Variants in GRAMD1C observed in about 807,000 individuals in gnomAD.
GRAMD1C encodes GRAM domain containing 1C.
A neutral mutation model predicts 97.8 loss-of-function variants in GRAMD1C; 89 were observed. That is an observed-to-expected ratio of 0.91 (90% confidence interval 0.77 to 1.09). The LOEUF is 1.09. GRAMD1C is among the 50% of genes least tolerant of loss of function. The pLI is 0.00. For synonymous variants in GRAMD1C, 256 were observed against 267.0 expected (o/e 0.96, Z 0.40); for missense variants, 740 against 766.4 (o/e 0.97, Z 0.41).
At chr3:113,872,696 A>G (rs1577147972) in intron 3 of GRAMD1C, among the ~76,000 whole-genome samples, 1 of 151,510 alleles carries the variant, frequency 6.6e-6, no homozygotes, top group East Asian at 2.0e-4. Flanking sequence ...CACCCAGCCA[A>G]GAAGCCATTA....
chr3:113,840,209 G>A (rs1483234701), intron 1 of GRAMD1C, among the ~76,000 whole-genome samples: 2 of 151,986 alleles, frequency 1.3e-5, no homozygotes. Context: ...CTCATGATCC[G>A]CCCGCCTCGG....
At chr3:113,840,984 A>G (rs746820877) in intron 1 of GRAMD1C, among the ~76,000 whole-genome samples, 2 of 152,216 alleles carry the variant, frequency 1.3e-5, no homozygotes, top group Admixed American at 1.3e-4. Flanking sequence ...TGGTAAAGAG[A>G]TGTTATGTCT....
Position 113,844,639 on chromosome 3 carries a change from G to A in GRAMD1C, c.164G>A (p.Trp55Ter). 1 of 1,578,438 alleles carries A rather than the reference G, an allele frequency of 6.3e-7. No homozygotes were observed. Among genetic ancestry groups the A allele is most frequent in the Non-Finnish European group, 8.6e-7 (1 of 1,167,182 alleles). ...GPNLHNWSGD[W>*]SFWISSSTYK... Reference sequence around the variant, plus strand: ...AATTTACATAATTGGAGTGGTGACTGGAGCTTTTGGGTAATTTCTTTTTTT... The same window carrying A: ...AATTTACATAATTGGAGTGGTGACTAGAGCTTTTGGGTAATTTCTTTTTTT... The change falls in exon 2 of 18, where the codon TGG becomes TAG. Residue 55 changes from tryptophan to a stop codon, truncating the protein, a stop_gained. Coordinates refer to ENST00000358160, the MANE Select transcript of GRAMD1C (RefSeq NM_017577.5). LOFTEE classifies it high-confidence loss of function.
rs116705499 is a variant in GRAMD1C at position 113,933,478 on chromosome 3, T to C, written c.1210-33T>C. 3,368 of 1,519,218 alleles carry C rather than the reference T, an allele frequency of 2.2e-3. 75 individuals are homozygous for C. The African/African-American group carries it at 0.041, about 19-fold the overall frequency. 94.1% of individuals were successfully genotyped at this position (1,519,218 alleles called of 1,614,324 possible). A position where few individuals can be genotyped will look rare whatever the true frequency, so the allele number is the denominator to read the frequency against. ...CAAGAAGATTCATATATTAAGCATA[T>C]ACATACAAACATTTTTTATCTTACT... is the stretch of plus-strand genomic sequence containing the variant. On this transcript the variant is annotated intron_variant, in intron 11 of 17. Transcript: ENST00000358160.
At chr3:113,928,704 A>G (rs1937312091) in intron 10 of GRAMD1C, among the ~76,000 whole-genome samples, 1 of 152,200 alleles carries the variant, frequency 6.6e-6, no homozygotes, top group African/African-American at 2.4e-5. Context: ...GGTGCCTTGC[A>G]TAAGTGGAAT....
chr3:113,893,393 T>A (rs1023360860), intron 6 of GRAMD1C, among the ~76,000 whole-genome samples: 5 of 151,994 alleles, frequency 3.3e-5, no homozygotes, highest in African/African-American at 9.7e-5. Context: ...TTTTTTTTTT[T>A]ATTAAGTCTT....
intron 1 of GRAMD1C, among the ~76,000 whole-genome samples, chr3:113,832,039 G>GTTTTTTTTTTTTTTTTT (rs113465428): frequency 2.0e-5 from 3 of 149,416 alleles, no homozygotes; most frequent in African/African-American, 7.6e-5. Flanking sequence ...CAGCAACTTT[G>GTTTTTTTTTTTTTTTTT]TTTTTTTTGA....
intron 10 of GRAMD1C, among the ~76,000 whole-genome samples, chr3:113,916,582 C>T (rs920257164): frequency 1.3e-5 from 2 of 151,956 alleles, no homozygotes; most frequent in Non-Finnish European, 2.9e-5. Flanking sequence ...GTCAGCATAG[C>T]GGTTACTGTT....
At chr3:113,850,955 A>G (rs1238333664) in intron 2 of GRAMD1C, among the ~76,000 whole-genome samples, 1 of 151,862 alleles carries the variant, frequency 6.6e-6, no homozygotes, top group African/African-American at 2.4e-5. Context: ...GGCGCGTGCC[A>G]CCACGCCCGG....
intron 6 of GRAMD1C, among the ~76,000 whole-genome samples, chr3:113,884,700 G>A (rs547063879): frequency 1.3e-5 from 2 of 152,028 alleles, no homozygotes; most frequent in African/African-American, 2.4e-5. Context: ...TTAGCTGGGC[G>A]TGGTGGCGGG....
chr3:113,926,661 T>C (rs115526904), intron 10 of GRAMD1C, among the ~76,000 whole-genome samples: 2,455 of 152,228 alleles, frequency 0.016, 62 homozygotes, highest in African/African-American at 0.056. Context: ...ATCTCTGAAG[T>C]TGCTGTCTTT....
chr3:113,906,607 A>G (rs189512922), intron 8 of GRAMD1C, among the ~76,000 whole-genome samples: 1 of 152,308 alleles, frequency 6.6e-6, no homozygotes, highest in East Asian at 1.9e-4. Flanking sequence ...TTCATAAAAT[A>G]AAAATGTTAC....
chr3:113,904,991 C>T (rs1040951975), intron 8 of GRAMD1C, among the ~76,000 whole-genome samples: 2 of 152,104 alleles, frequency 1.3e-5, no homozygotes, highest in South Asian at 4.1e-4. Flanking sequence ...CGTGCCACCA[C>T]GCCTGGGTAA....
At chr3:113,876,011 AC>A (rs1218663310) in intron 4 of GRAMD1C, 153 bp from the exon 5 acceptor site, 1 of 545,674 alleles carries the variant, frequency 1.8e-6, no homozygotes, top group Non-Finnish European at 3.3e-6. Flanking sequence ...CTCAGAGAAT[AC>A]AAGCGTGTAC....
intron 6 of GRAMD1C, among the ~76,000 whole-genome samples, chr3:113,887,093 TTTG>T (rs1559795721): frequency 7.4e-5 from 9 of 121,106 alleles, no homozygotes; most frequent in Non-Finnish European, 1.4e-4. Context: ...TTGTTTTTTT[TTTG>T]TTTTTTTTTT....
chr3:113,881,173 G>A (rs972781107), intron 5 of GRAMD1C, among the ~76,000 whole-genome samples: 2 of 152,070 alleles, frequency 1.3e-5, no homozygotes, highest in African/African-American at 4.8e-5. Context: ...ATTTTTGTCT[G>A]AGATGGAGTC....
Position 113,934,430 on chromosome 3 carries a change from A to C in GRAMD1C, c.1353-2A>C. ...AATATTCTTTCCTTCTTATTCTACT[A>C]GAGTTTCCACAGATTTGAAATACAG... is the stretch of plus-strand genomic sequence containing the variant. On this transcript the variant is annotated splice_acceptor_variant, in intron 12 of 17. Transcript: ENST00000358160. LOFTEE classifies it high-confidence loss of function. 7.4e-7 allele frequency: 1 copy of C among 1,342,654 alleles called. No homozygotes were observed. The highest frequency in any genetic ancestry group is 1.1e-6 in the Non-Finnish European group (1 of 950,000). 83.2% of individuals were successfully genotyped at this position (1,342,654 alleles called of 1,614,324 possible). A position where few individuals can be genotyped will look rare whatever the true frequency, so the allele number is the denominator to read the frequency against.
At chr3:113,944,072 C>T (rs574025813) in intron 17 of GRAMD1C, among the ~76,000 whole-genome samples, 1 of 152,270 alleles carries the variant, frequency 6.6e-6, no homozygotes, top group African/African-American at 2.4e-5. Context: ...ACCACACGTT[C>T]CAATGACTCC....
At position 113,927,065 on chromosome 3, in the gene GRAMD1C, CCCTTTGTTTTCACAGGTGTCA is replaced by C. The variant is rs1164072746; in HGVS notation, c.1091-3629_1091-3609del. ...GCTGGGGCAGGGGCGCTGGTGGGAA[CCCTTTGTTTTCACAGGTGTCA>C]CCTTTGTTTTCACAGGTGTTGTATA... On this transcript the variant is annotated intron_variant, in intron 10 of 17. Coordinates refer to ENST00000358160, the MANE Select transcript of GRAMD1C (RefSeq NM_017577.5). Among the ~76,000 whole-genome samples the C allele has an allele frequency of 1.8e-4, 28 of 151,900 alleles. No homozygotes were observed. In the East Asian group the frequency reaches 5.0e-3, roughly 27 times the overall value.
Sources: allele counts gnomAD v4.1 joint callset (sites outside exome capture counted in the v4.1 genomes callset), GRCh38; gene constraint gnomAD v4.1.1; transcripts MANE v1.5; gene names NCBI Gene and HGNC (gene_info 2026-07-23, HGNC 2026-07-21).